Variants in COMMD1 observed in about 807,000 individuals in gnomAD.
COMMD1 encodes the protein copper metabolism domain containing 1.
COMMD1 carries 10 observed loss-of-function variants against 17.2 expected under a neutral mutation model. The ratio of observed to expected loss-of-function variants is 0.58; its 90% CI spans 0.36 to 0.99. COMMD1 has a LOEUF of 0.99. Ranked by LOEUF, COMMD1 falls within the 50% of genes least tolerant of loss-of-function variation. The pLI is 0.01. For missense variants in COMMD1, 270 were observed against 231.8 expected, an observed-to-expected ratio of 1.17 and a Z score of -1.07; for synonymous variants, 97 against 91.6, an observed-to-expected ratio of 1.06 and a Z score of -0.34.
chr2:62,121,817 G>C (rs1188769676), intron 2 of COMMD1, among the ~76,000 whole-genome samples: 3 of 151,926 alleles, frequency 2.0e-5, no homozygotes, highest in African/African-American at 7.3e-5. Flanking sequence ...TTTGAGACAG[G>C]ATCTCACTCT....
chr2:62,081,829 T>C (rs1671531611), intron 2 of COMMD1, among the ~76,000 whole-genome samples: 1 of 152,206 alleles, frequency 6.6e-6, no homozygotes, highest in Non-Finnish European at 1.5e-5. Flanking sequence ...AGAAAAAATT[T>C]CAATTTGTAT....
chr2:62,009,739 G>A (rs1487581790), intron 2 of COMMD1, among the ~76,000 whole-genome samples: 1 of 151,936 alleles, frequency 6.6e-6, no homozygotes, highest in Non-Finnish European at 1.5e-5. Flanking sequence ...CTCTGAATTA[G>A]CTATTTGTAA....
intron 2 of COMMD1, among the ~76,000 whole-genome samples, chr2:62,063,868 A>AATAAATATATATAT (rs1553385536): frequency 1.2e-5 from 1 of 81,176 alleles, no homozygotes; most frequent in African/African-American, 4.9e-5. Flanking sequence ...GTCTCTACAA[A>AATAAATATATATAT]ATATATATAT....
At position 61,910,592 on chromosome 2, in the gene COMMD1, A is replaced by T. The variant is rs145272063; in HGVS notation, c.180+4734A>T. Among the ~76,000 whole-genome samples the T allele has an allele frequency of 6.4e-3, 973 of 152,194 alleles. 11 individuals carry two copies. The highest frequency in any genetic ancestry group is 0.022 in the African/African-American group (913 of 41,524). On this transcript the variant is annotated intron_variant, in intron 1 of 2. Coordinates refer to ENST00000311832, the MANE Select transcript of COMMD1 (RefSeq NM_152516.4). ...ACTTTTTTTGCTCACATTATAATTC[A>T]ACTTCTTATAGGTATGAGTTTGCGT...
intron 2 of COMMD1, among the ~76,000 whole-genome samples, chr2:62,075,698 G>A (rs935328317): frequency 1.3e-4 from 20 of 152,152 alleles, no homozygotes; most frequent in African/African-American, 4.8e-4. Context: ...CTAGACCTCT[G>A]GCTCCCACCC....
chr2:62,072,589 C>G (rs977881290), intron 2 of COMMD1, among the ~76,000 whole-genome samples: 1 of 152,214 alleles, frequency 6.6e-6, no homozygotes, highest in Non-Finnish European at 1.5e-5. Context: ...GTATGAAAAG[C>G]GCTGTAACAT....
intron 1 of COMMD1, among the ~76,000 whole-genome samples, chr2:61,913,813 A>AG (rs1669976306): frequency 2.2e-5 from 3 of 138,550 alleles, no homozygotes; most frequent in African/African-American, 8.2e-5. Context: ...AAAAAAAAAA[A>AG]AAAAGAAAAG....
At chr2:61,924,249 C>CT (rs1352939785) in intron 1 of COMMD1, among the ~76,000 whole-genome samples, 2 of 152,062 alleles carry the variant, frequency 1.3e-5, no homozygotes, top group Non-Finnish European at 2.9e-5. Context: ...CCTTAGCCAA[C>CT]TATACAGAAT....
intron 2 of COMMD1, among the ~76,000 whole-genome samples, chr2:62,017,814 G>A (rs1299416739): frequency 1.3e-5 from 2 of 152,004 alleles, no homozygotes; most frequent in Admixed American, 6.6e-5. Context: ...AAGGCAGAAC[G>A]ATTGTTTGAG....
At chr2:61,920,462 T>C (rs992476047) in intron 1 of COMMD1, among the ~76,000 whole-genome samples, 5 of 151,244 alleles carry the variant, frequency 3.3e-5, no homozygotes, top group Admixed American at 3.3e-4. Flanking sequence ...TCTCCCACAC[T>C]TACATTTCTG....
chr2:62,027,054 A>G (rs1345346593), intron 2 of COMMD1, among the ~76,000 whole-genome samples: 1 of 152,142 alleles, frequency 6.6e-6, no homozygotes, highest in East Asian at 1.9e-4. Flanking sequence ...AGTGATAACC[A>G]TTGTCTTAGT....
At chr2:61,923,999 A>C (rs1303413804) in intron 1 of COMMD1, among the ~76,000 whole-genome samples, 1 of 151,636 alleles carries the variant, frequency 6.6e-6, no homozygotes, top group Admixed American at 6.6e-5. Context: ...CTGATCTTGA[A>C]CTCATGTGCT....
intron 2 of COMMD1, among the ~76,000 whole-genome samples, chr2:62,036,978 G>T (rs1670056741): frequency 6.6e-6 from 1 of 152,140 alleles, no homozygotes; most frequent in Non-Finnish European, 1.5e-5. Context: ...AGTTTTTGTT[G>T]TACCTTGCAT....
chr2:62,021,498 AG>A (rs1669613725), intron 2 of COMMD1, among the ~76,000 whole-genome samples: 1 of 152,284 alleles, frequency 6.6e-6, no homozygotes, highest in East Asian at 1.9e-4. Context: ...ACAAAGTTGG[AG>A]GGGGTCAAAG....
intron 2 of COMMD1, among the ~76,000 whole-genome samples, chr2:62,006,915 T>C (rs533607425): frequency 1.1e-4 from 17 of 152,328 alleles, no homozygotes; most frequent in African/African-American, 4.1e-4. Context: ...TTCTTCTTTT[T>C]AGGCTTGAAT....
intron 2 of COMMD1, among the ~76,000 whole-genome samples, chr2:62,014,572 TTTTTTTTG>T (rs1669381119): frequency 1.2e-4 from 8 of 65,620 alleles, no homozygotes; most frequent in South Asian, 7.5e-4. Context: ...TTTTTTTTTT[TTTTTTTTG>T]AGACAGAGTC....
intron 1 of COMMD1, among the ~76,000 whole-genome samples, chr2:61,907,757 C>T (rs1424351402): frequency 6.6e-6 from 1 of 152,104 alleles, no homozygotes; most frequent in Non-Finnish European, 1.5e-5. Context: ...ATGGTGTGAT[C>T]TCCGCTCTCT....
intron 2 of COMMD1, among the ~76,000 whole-genome samples, chr2:62,078,838 C>G (rs1671433665): frequency 6.6e-6 from 1 of 150,760 alleles, no homozygotes; most frequent in Non-Finnish European, 1.5e-5. Flanking sequence ...GATTGCGCCA[C>G]TGCACTCCAG....
chr2:61,901,468 C>T (rs1669655015), upstream of COMMD1, among the ~76,000 whole-genome samples: 1 of 151,688 alleles, frequency 6.6e-6, no homozygotes. Context: ...ACTAAAAATA[C>T]AAAAATTAGG....
Sources: allele counts gnomAD v4.1 joint callset (sites outside exome capture counted in the v4.1 genomes callset), GRCh38; gene constraint gnomAD v4.1.1; transcripts MANE v1.5; gene names NCBI Gene and HGNC (gene_info 2026-07-23, HGNC 2026-07-21).